RYR2: variants seen among roughly 807,000 people sequenced by gnomAD.
RYR2 encodes cardiac muscle ryanodine receptor-calcium release channel.
A neutral mutation model predicts 601.1 loss-of-function variants in RYR2; 227 were observed. The ratio of observed to expected loss-of-function variants is 0.38; its 90% CI spans 0.34 to 0.42. RYR2 has a LOEUF of 0.42. Among genes scored for constraint, RYR2 ranks in the 10% least tolerant of loss-of-function variants. RYR2 has a pLI of 1.00. For missense variants in RYR2, 4,646 were observed against 6,156.5 expected, an observed-to-expected ratio of 0.75 and a Z score of 8.21; for synonymous variants, 2,223 against 2,175.1, an observed-to-expected ratio of 1.02 and a Z score of -0.61.
rs1668659486 is a variant in RYR2, at chr1:237,106,167, G to A, written c.48+63598G>A. Among the ~76,000 whole-genome samples the A allele has an allele frequency of 6.6e-6, 1 of 152,168 alleles. No homozygotes were observed. Among genetic ancestry groups the A allele is most frequent in the Non-Finnish European group, 1.5e-5 (1 of 68,028 alleles). On this transcript the variant is annotated intron_variant, in intron 1 of 104. Coordinates refer to ENST00000366574, the MANE Select transcript of RYR2 (RefSeq NM_001035.3). This position sits in a 1 kb window ranked among gnomAD's most constrained non-coding sequence, Gnocchi z 4.4. ...TATGGGAGTCATTGCAATCCTTTGAGCTGAGGGGTAGCTCGTTCTGATTTT... is the reference window on the plus strand; with the variant it reads ...TATGGGAGTCATTGCAATCCTTTGAACTGAGGGGTAGCTCGTTCTGATTTT...
At chr1:237,368,834 TATTTATTA>T (rs1366398069) in intron 5 of RYR2, among the ~76,000 whole-genome samples, 3 of 150,812 alleles carry the variant, frequency 2.0e-5, no homozygotes, top group Admixed American at 6.6e-5. Flanking sequence ...TTTATTTATT[TATTTATTA>T]AGATAGAGTC....
chr1:237,716,485 A>T (rs558961077), intron 71 of RYR2, among the ~76,000 whole-genome samples: 1 of 152,182 alleles, frequency 6.6e-6, no homozygotes, highest in Non-Finnish European at 1.5e-5. Context: ...ATCTTGATAG[A>T]ATACTCATTA....
At chr1:237,196,473 C>T (rs1292058188) in intron 1 of RYR2, among the ~76,000 whole-genome samples, 2 of 152,044 alleles carry the variant, frequency 1.3e-5, no homozygotes, top group Non-Finnish European at 2.9e-5. Context: ...CTAGGTTTTA[C>T]TTTTCATAAT....
At chr1:237,071,989 G>C (rs1210056158) in intron 1 of RYR2, among the ~76,000 whole-genome samples, 1 of 152,256 alleles carries the variant, frequency 6.6e-6, no homozygotes, top group Non-Finnish European at 1.5e-5. Context: ...ATTGGAGCAG[G>C]CACTGGAGGT....
chr1:237,581,122 T>G (rs2148370316), intron 29 of RYR2, among the ~76,000 whole-genome samples: 1 of 152,358 alleles, frequency 6.6e-6, no homozygotes, highest in African/African-American at 2.4e-5. Flanking sequence ...AACCATATCC[T>G]TAATTAAAAA....
At chr1:237,277,742 C>A (rs1317283144) in intron 2 of RYR2, among the ~76,000 whole-genome samples, 1 of 152,130 alleles carries the variant, frequency 6.6e-6, no homozygotes, top group Non-Finnish European at 1.5e-5. Flanking sequence ...ATTGCTTGAG[C>A]CTAACAGTTT....
intron 10 of RYR2, among the ~76,000 whole-genome samples, chr1:237,413,532 G>C (rs1282867853): frequency 6.6e-6 from 1 of 152,012 alleles, no homozygotes; most frequent in East Asian, 1.9e-4. Context: ...TTGTATCTTA[G>C]AGACCTTTTA....
chr1:237,747,923 GA>G (rs1334932802), intron 80 of RYR2, among the ~76,000 whole-genome samples: 6 of 152,234 alleles, frequency 3.9e-5, no homozygotes, highest in Middle Eastern at 6.8e-3. Context: ...TCATGCTATT[GA>G]ATCATAGAGG....
chr1:237,577,531 TGTGTGC>T (rs776099922), intron 29 of RYR2, among the ~76,000 whole-genome samples: 10,283 of 74,278 alleles, frequency 0.14, 489 homozygotes, highest in African/African-American at 0.16. Flanking sequence ...TGTGTGTGTG[TGTGTGC>T]GTGTGTGTGT....
chr1:237,241,204 C>T (rs970959439), intron 1 of RYR2, among the ~76,000 whole-genome samples: 14 of 152,266 alleles, frequency 9.2e-5, no homozygotes, highest in South Asian at 2.1e-4. Flanking sequence ...TACCAGGCTA[C>T]GGGGTTATAC....
chr1:237,178,093 TCTTG>T (rs1370213529), intron 1 of RYR2, among the ~76,000 whole-genome samples: 1 of 152,188 alleles, frequency 6.6e-6, no homozygotes, highest in Non-Finnish European at 1.5e-5. Context: ...TAAAATAAAA[TCTTG>T]GGGTTTTAAT....
At chr1:237,490,196 GA>G in intron 17 of RYR2, among the ~76,000 whole-genome samples, 1 of 152,224 alleles carries the variant, frequency 6.6e-6, no homozygotes, top group African/African-American at 2.4e-5. Flanking sequence ...AAGGGGGATC[GA>G]ACAAGGGTTG....
intron 51 of RYR2, among the ~76,000 whole-genome samples, chr1:237,652,565 GC>G (rs1315905831): frequency 6.6e-6 from 1 of 152,092 alleles, no homozygotes; most frequent in Non-Finnish European, 1.5e-5. Flanking sequence ...TGGATATTTA[GC>G]AAAAGTAATC....
At chr1:237,487,547 C>T (rs1662824123) in intron 17 of RYR2, among the ~76,000 whole-genome samples, 1 of 145,102 alleles carries the variant, frequency 6.9e-6, no homozygotes, top group Admixed American at 6.9e-5. Flanking sequence ...GAGACCACCC[C>T]CGTCTCTACA....
At chr1:237,537,110 T>C (rs1234768271) in intron 25 of RYR2, among the ~76,000 whole-genome samples, 1 of 152,138 alleles carries the variant, frequency 6.6e-6, no homozygotes, top group Non-Finnish European at 1.5e-5. Flanking sequence ...AATGGAAGAC[T>C]ATGTAAATTA....
chr1:237,808,575 G>A (rs941814009), intron 99 of RYR2, among the ~76,000 whole-genome samples: 3 of 151,224 alleles, frequency 2.0e-5, no homozygotes, highest in South Asian at 2.1e-4. Flanking sequence ...CAGGAGAATC[G>A]CTTGAACCCG....
intron 97 of RYR2, chr1:237,800,084 T>C (rs946220788): frequency 6.6e-6 from 1 of 152,032 alleles, no homozygotes; most frequent in Non-Finnish European, 1.5e-5. Flanking sequence ...GGGTGAGAAA[T>C]GAGTGCTGTG....
intron 29 of RYR2, among the ~76,000 whole-genome samples, chr1:237,577,874 C>T (rs902452887): frequency 6.6e-6 from 1 of 152,218 alleles, no homozygotes; most frequent in African/African-American, 2.4e-5. Flanking sequence ...ACGATCTCAG[C>T]TCACTGCAAC....
At chr1:237,617,198 C>A in intron 37 of RYR2, 88 bp from the exon 38 acceptor site, 2 of 1,223,068 alleles carry the variant, frequency 1.6e-6, no homozygotes, top group South Asian at 1.6e-5. Flanking sequence ...GAGTAGGCAA[C>A]TAAGGATGTT....
Sources: gnomAD v4.1 joint callset for allele counts (sites outside exome capture counted in the v4.1 genomes callset) on GRCh38, gnomAD v4.1.1 for gene constraint, Gnocchi (gnomAD v3.1) non-coding constraint, MANE v1.5 for transcripts, NCBI Gene and HGNC (gene_info 2026-07-23, HGNC 2026-07-21) for gene names.